Variants in OSBPL10 observed in about 807,000 individuals in gnomAD.
OSBPL10 encodes oxysterol-binding protein-related protein 10.
OSBPL10 carries 49 observed loss-of-function variants against 81.7 expected under a neutral mutation model. The observed-to-expected ratio is 0.60, with a 90% CI of 0.48 to 0.76. OSBPL10 has a LOEUF of 0.76. Among genes scored for constraint, OSBPL10 ranks in the 30% least tolerant of loss-of-function variants. The pLI is 0.00. For synonymous variants in OSBPL10, 419 were observed against 383.6 expected (o/e 1.09, Z -1.08); for missense variants, 923 against 987.8 (o/e 0.93, Z 0.88).
intron 1 of OSBPL10, among the ~76,000 whole-genome samples, chr3:31,944,408 G>T (rs1225845604): frequency 6.6e-6 from 1 of 152,058 alleles, no homozygotes; most frequent in Non-Finnish European, 1.5e-5. Flanking sequence ...AAATGATGTG[G>T]CCAGGCTAGA....
chr3:31,769,875 T>C (rs1162279250), intron 4 of OSBPL10, among the ~76,000 whole-genome samples: 2 of 136,970 alleles, frequency 1.5e-5, no homozygotes, highest in Non-Finnish European at 3.1e-5. Context: ...TATTTTTAAA[T>C]GGTGAAAATA....
intron 1 of OSBPL10, among the ~76,000 whole-genome samples, chr3:31,961,748 T>C (rs946733858): frequency 6.6e-6 from 1 of 152,030 alleles, no homozygotes; most frequent in Non-Finnish European, 1.5e-5. Context: ...TCATTTTAAA[T>C]GGCATATATT....
At chr3:31,958,137 G>C (rs1003839973) in intron 1 of OSBPL10, among the ~76,000 whole-genome samples, 1 of 152,160 alleles carries the variant, frequency 6.6e-6, no homozygotes, top group Non-Finnish European at 1.5e-5. Context: ...ATACCCTTGT[G>C]ACCACAATGT....
At chr3:31,793,375 A>C (rs1294248189) in intron 4 of OSBPL10, among the ~76,000 whole-genome samples, 1 of 152,232 alleles carries the variant, frequency 6.6e-6, no homozygotes, top group Non-Finnish European at 1.5e-5. Flanking sequence ...TAGCATAAAT[A>C]ATTTATGCTG....
intron 1 of OSBPL10, among the ~76,000 whole-genome samples, chr3:31,949,855 G>C (rs1167485028): frequency 6.6e-6 from 1 of 151,992 alleles, no homozygotes; most frequent in African/African-American, 2.4e-5. Context: ...ACCACATTAA[G>C]AACCTCCTGA....
chr3:31,847,212 A>T (rs868276763), intron 3 of OSBPL10, among the ~76,000 whole-genome samples: 1,164 of 104,156 alleles, frequency 0.011, 10 homozygotes, highest in Non-Finnish European at 0.017. Context: ...TTTTTTTTTT[A>T]AAAAGACAGA....
chr3:31,772,553 C>A (rs2125749954), intron 4 of OSBPL10, among the ~76,000 whole-genome samples: 1 of 152,292 alleles, frequency 6.6e-6, no homozygotes, highest in African/African-American at 2.4e-5. Flanking sequence ...TAACAGGTGC[C>A]AGCACTGGGA....
intron 4 of OSBPL10, among the ~76,000 whole-genome samples, chr3:31,809,261 G>T (rs116068138): frequency 0.015 from 2,341 of 152,234 alleles, 55 homozygotes; most frequent in African/African-American, 0.053. Flanking sequence ...GGGAATACAT[G>T]CAATCCACAG....
chr3:31,885,351 A>G (rs969981069), intron 1 of OSBPL10, among the ~76,000 whole-genome samples: 1 of 148,972 alleles, frequency 6.7e-6, no homozygotes, highest in Non-Finnish European at 1.5e-5. Flanking sequence ...AGTGTGACAC[A>G]CTCACACATT....
intron 1 of OSBPL10, among the ~76,000 whole-genome samples, chr3:31,913,935 G>T (rs2125696479): frequency 6.6e-6 from 1 of 152,150 alleles, no homozygotes; most frequent in East Asian, 1.9e-4. Context: ...TTGCATGTTT[G>T]TTTTTGAGAC....
At chr3:31,984,299 C>T (rs1344977524), upstream of OSBPL10, among the ~76,000 whole-genome samples, 1 of 151,624 alleles carries the variant, frequency 6.6e-6, no homozygotes, top group African/African-American at 2.4e-5. Flanking sequence ...CTCGGCCTCC[C>T]AAAGTGCTGG....
intron 4 of OSBPL10, chr3:31,796,318 C>G (rs1202742257): frequency 6.4e-6 from 1 of 155,220 alleles, no homozygotes; most frequent in Non-Finnish European, 1.5e-5. Flanking sequence ...TCAGATGGTT[C>G]TCCTATAGAA....
Position 31,902,388 on chromosome 3 carries a change from G to A in OSBPL10, c.282-22558C>T, listed in dbSNP as rs544289075. ...AGCGATTCTCCTGCCTCAGCCTTCC[G>A]AATAGCTGGGATTACAGGTGGCTGC... On this transcript the variant is annotated intron_variant, in intron 1 of 11. Coordinates refer to ENST00000396556, the MANE Select transcript of OSBPL10 (RefSeq NM_017784.5). Among the ~76,000 whole-genome samples the A allele has an allele frequency of 2.0e-5, 3 of 150,568 alleles. No individual in the cohort carries two copies. In the East Asian group the frequency reaches 6.0e-4, roughly 30 times the overall value.
intron 4 of OSBPL10, among the ~76,000 whole-genome samples, chr3:31,829,571 C>G (rs369060405): frequency 6.6e-6 from 1 of 152,252 alleles, no homozygotes; most frequent in African/African-American, 2.4e-5. Flanking sequence ...GGACAGTATT[C>G]TTTTCACTAC....
At chr3:31,919,180 T>A (rs1301164853) in intron 1 of OSBPL10, among the ~76,000 whole-genome samples, 1 of 152,214 alleles carries the variant, frequency 6.6e-6, no homozygotes, top group Non-Finnish European at 1.5e-5. Flanking sequence ...CAACCACTCC[T>A]TTCTTTGCCT....
intron 1 of OSBPL10, among the ~76,000 whole-genome samples, chr3:32,066,029 GAGAGAGAGAA>G (rs1267466931): frequency 1.2e-5 from 1 of 86,176 alleles, no homozygotes; most frequent in African/African-American, 2.9e-5. Context: ...AAGAAAGAGA[GAGAGAGAGAA>G]AGAGAAAGAG....
At chr3:31,672,564 CA>C (rs994477918) in intron 8 of OSBPL10, among the ~76,000 whole-genome samples, 6 of 151,934 alleles carry the variant, frequency 3.9e-5, no homozygotes, top group Admixed American at 6.6e-5. Context: ...TTTCTAAAGT[CA>C]ATACTAAGAT....
intron 2 of OSBPL10, among the ~76,000 whole-genome samples, chr3:32,002,524 GATT>G (rs1427428588): frequency 6.6e-6 from 1 of 152,168 alleles, no homozygotes; most frequent in Non-Finnish European, 1.5e-5. Flanking sequence ...GAAGCAATAA[GATT>G]ATTATCCATA....
At chr3:31,857,099 T>G (rs931576177) in intron 3 of OSBPL10, among the ~76,000 whole-genome samples, 4 of 152,044 alleles carry the variant, frequency 2.6e-5, no homozygotes, top group Non-Finnish European at 4.4e-5. Flanking sequence ...CTCTTCAACC[T>G]CCAGTGGCAT....
Sources: gnomAD v4.1 joint callset for allele counts (sites outside exome capture counted in the v4.1 genomes callset) on GRCh38, gnomAD v4.1.1 for gene constraint, MANE v1.5 for transcripts, NCBI Gene and HGNC (gene_info 2026-07-23, HGNC 2026-07-21) for gene names.